CEP63: variants seen among roughly 807,000 people sequenced by gnomAD.
CEP63 encodes the protein centrosomal protein 63, also known as centrosomal protein of 63 kDa.
In CEP63, 84 loss-of-function variants were observed where a neutral mutation model predicts 89.1. The observed-to-expected ratio is 0.94, with a 90% CI of 0.79 to 1.13. The LOEUF is 1.13. Among genes scored for constraint, CEP63 ranks in the 50% most tolerant of loss-of-function variants. The probability of loss-of-function intolerance (pLI) is 0.00; values close to 1 mark genes in which losing one functional copy is unlikely to be tolerated. For missense variants in CEP63, 838 were observed against 813.3 expected (o/e 1.03, Z -0.37); for synonymous variants, 267 against 272.5 (o/e 0.98, Z 0.20).
chr3:134,617,362 T>A, the CEP63 span, among the ~76,000 whole-genome samples: 1 of 152,342 alleles, frequency 6.6e-6, no homozygotes, highest in South Asian at 2.1e-4. Context: ...GCTAGGAATA[T>A]CCTGTCATTT....
At chr3:134,517,570 G>A (rs1486695190) in intron 3 of CEP63, among the ~76,000 whole-genome samples, 2 of 152,066 alleles carry the variant, frequency 1.3e-5, no homozygotes, top group Admixed American at 6.5e-5. Flanking sequence ...CATATGCTGG[G>A]CCATAAAGTA....
chr3:134,727,473 T>A, the CEP63 span, among the ~76,000 whole-genome samples: 2 of 152,188 alleles, frequency 1.3e-5, no homozygotes, highest in African/African-American at 4.8e-5. Context: ...TCATTTGTCC[T>A]GACAGCATGG....
the CEP63 span, chr3:134,607,917 T>C: frequency 4.0e-6 from 4 of 991,234 alleles, no homozygotes; most frequent in Non-Finnish European, 4.8e-6. Context: ...GGTGCCTGAG[T>C]TTGGAGGCTG....
chr3:134,561,787 TTTA>T lies in CEP63; in HGVS notation c.*257_*259del. On this transcript the variant is annotated 3_prime_UTR_variant, in exon 15 of 15. Coordinates refer to ENST00000675561, the MANE Select transcript of CEP63 (RefSeq NM_001353108.3). ...GCTAGACTTTTTTCTCATACGAATATTTATTATCATAAAGTGATACTTACCTTG... is the reference window on the plus strand; with the variant it reads ...GCTAGACTTTTTTCTCATACGAATATTTATCATAAAGTGATACTTACCTTG... The T allele has an allele frequency of 7.8e-7, 1 of 1,288,534 alleles. No individual in the cohort carries two copies. Among genetic ancestry groups the T allele is most frequent in the South Asian group, 1.7e-5 (1 of 59,798 alleles). The allele number at this position is 1,288,534 out of a possible 1,614,324, so 79.8% of individuals were successfully genotyped here. A position where few individuals can be genotyped will look rare whatever the true frequency, so the allele number is the denominator to read the frequency against.
the CEP63 span, among the ~76,000 whole-genome samples, chr3:134,725,953 G>A: frequency 1.3e-5 from 2 of 152,178 alleles, no homozygotes; most frequent in African/African-American, 4.8e-5. Context: ...AAGGACGGGA[G>A]TCTGTGGAAG....
the CEP63 span, among the ~76,000 whole-genome samples, chr3:134,616,558 C>T: frequency 3.3e-5 from 5 of 152,128 alleles, no homozygotes; most frequent in Non-Finnish European, 4.4e-5. Flanking sequence ...TTCAGGGGAC[C>T]GTGAGCTATT....
the CEP63 span, among the ~76,000 whole-genome samples, chr3:134,650,121 C>T: frequency 6.6e-6 from 1 of 152,168 alleles, no homozygotes; most frequent in Non-Finnish European, 1.5e-5. Context: ...ACAGAGAGGC[C>T]CGGATCCTGC....
chr3:134,492,324 A>G (rs1937938148), intron 1 of CEP63, among the ~76,000 whole-genome samples: 1 of 152,126 alleles, frequency 6.6e-6, no homozygotes, highest in African/African-American at 2.4e-5. Context: ...ACATGCAAAG[A>G]AGAAATCAAA....
At chr3:134,552,235 C>T in intron 12 of CEP63, 1 of 339,146 alleles carries the variant, frequency 2.9e-6, no homozygotes, top group Non-Finnish European at 5.5e-6. Flanking sequence ...CGGGGTTTCA[C>T]TCTTGTTACC....
the CEP63 span, among the ~76,000 whole-genome samples, chr3:134,728,022 A>T: frequency 6.6e-6 from 1 of 152,284 alleles, no homozygotes; most frequent in Admixed American, 6.5e-5. Context: ...AGAAGAAAAC[A>T]TGAAGGCCCT....
At chr3:134,684,641 T>A in the CEP63 span, among the ~76,000 whole-genome samples, 1 of 152,240 alleles carries the variant, frequency 6.6e-6, no homozygotes, top group Non-Finnish European at 1.5e-5. Context: ...AAGTCAGGCT[T>A]GGTTTCCCCA....
chr3:134,683,867 T>C, the CEP63 span, among the ~76,000 whole-genome samples: 6 of 152,032 alleles, frequency 3.9e-5, no homozygotes, highest in Middle Eastern at 3.2e-3. Context: ...ATTGACTGGG[T>C]TGGGGTCACC....
At chr3:134,493,265 T>G (rs1938402618) in intron 1 of CEP63, among the ~76,000 whole-genome samples, 2 of 151,930 alleles carry the variant, frequency 1.3e-5, no homozygotes, top group African/African-American at 4.8e-5. Flanking sequence ...TAGAGAATAT[T>G]GTTCATGCCC....
At chr3:134,547,610 A>ATTTCTTTTTTTTTTT in intron 9 of CEP63, 138 bp downstream of exon 9, 1 of 226,812 alleles carries the variant, frequency 4.4e-6, no homozygotes, top group Admixed American at 1.4e-4. Context: ...CTAAGTTCTT[A>ATTTCTTTTTTTTTTT]TTTCTTTTTT....
chr3:134,684,740 G>C, the CEP63 span, among the ~76,000 whole-genome samples: 1 of 152,178 alleles, frequency 6.6e-6, no homozygotes, highest in Non-Finnish European at 1.5e-5. Context: ...GCAGCAACAG[G>C]GACAATATAC....
At chr3:134,633,556 G>A in the CEP63 span, among the ~76,000 whole-genome samples, 877 of 152,088 alleles carry the variant, frequency 5.8e-3, 12 homozygotes, top group African/African-American at 0.02. Flanking sequence ...TTTAACATCC[G>A]TTCATGATAA....
the CEP63 span, among the ~76,000 whole-genome samples, chr3:134,711,004 G>A: frequency 1.3e-5 from 2 of 152,092 alleles, no homozygotes; most frequent in African/African-American, 4.8e-5. Flanking sequence ...ACAGGCTTGA[G>A]CCACTGTGCC....
At chr3:134,502,834 G>T (rs983811905) in intron 2 of CEP63, among the ~76,000 whole-genome samples, 16 of 151,890 alleles carry the variant, frequency 1.1e-4, no homozygotes, top group African/African-American at 3.4e-4. Flanking sequence ...CTGGCTTTGG[G>T]TTTAGTTCTT....
the CEP63 span, among the ~76,000 whole-genome samples, chr3:134,769,149 A>G: frequency 2.6e-5 from 4 of 152,182 alleles, no homozygotes; most frequent in Non-Finnish European, 4.4e-5. Context: ...AAGAGAACAC[A>G]TTCTTAATTG....
Sources: allele counts gnomAD v4.1 joint callset (sites outside exome capture counted in the v4.1 genomes callset), GRCh38; gene constraint gnomAD v4.1.1; transcripts MANE v1.5; gene names NCBI Gene and HGNC (gene_info 2026-07-23, HGNC 2026-07-21).